The following LRRC53 variants were observed in gnomAD, a reference collection of about 807,000 sequenced individuals.
LRRC53 encodes the protein leucine rich repeat containing 53.
A neutral mutation model predicts 13.6 loss-of-function variants in LRRC53; 25 were observed. That is an observed-to-expected ratio of 1.83 (90% CI 1.34 to 2.56). The LOEUF is 2.56. Among genes scored for constraint, LRRC53 ranks in the 30% most tolerant of loss-of-function variants. The pLI is 0.00. For missense variants in LRRC53, 527 were observed against 275.8 expected (o/e 1.91, Z -6.45); for synonymous variants, 204 against 109.8 (o/e 1.86, Z -5.37).
In LRRC53 at chr1:74,470,831, G is replaced by A. The variant is rs1667890781; in HGVS notation, c.2791C>T (p.Leu931Phe). ...CTGTCAGTCTTGTGAGCATCTAAAA[G>A]TTGTGTTTGATTCCTCGGGGACAAA... ...FSLSPRNQTQ[L>F]LDAHKTDSYN... Residue 931 changes from leucine (L) to phenylalanine (F), a missense_variant, in exon 5 of 5, where the codon CTT becomes TTT. Coordinates refer to ENST00000294635, the MANE Select transcript of LRRC53 (RefSeq NM_001382280.1). The A allele has an allele frequency of 5.0e-6, 2 of 400,670 alleles. No homozygotes were observed. The highest frequency in any genetic ancestry group is 8.8e-6 in the Non-Finnish European group (2 of 226,192). 24.8% of individuals were successfully genotyped at this position (400,670 alleles called of 1,614,324 possible).
Position 74,471,220 on chromosome 1 carries a change from C to T in LRRC53, c.2402G>A (p.Arg801Gln), listed in dbSNP as rs1410517807. ...HDSKQTPYYQ[R>Q]NTKRAPLLSA... Reference sequence around the variant, plus strand: ...GAGCAGGGGGGCACGTTTAGTGTTTCGTTGATAATATGGGGTCTGCTTTGA... The same window carrying T: ...GAGCAGGGGGGCACGTTTAGTGTTTTGTTGATAATATGGGGTCTGCTTTGA... The change falls in exon 5 of 5, where the codon CGA becomes CAA. Residue 801 changes from arginine (R) to glutamine (Q), a missense_variant. Physicochemically the swap from Arg to Gln is conservative, Grantham distance 43. Transcript: ENST00000294635. 7.5e-6 allele frequency: 3 copies of T among 400,500 alleles called. No individual in the cohort carries two copies. Among genetic ancestry groups the T allele is most frequent in the African/African-American group, 2.1e-5 (1 of 48,638 alleles). 24.8% of individuals were successfully genotyped at this position (400,500 alleles called of 1,614,324 possible). A position where few individuals can be genotyped will look rare whatever the true frequency, so the allele number is the denominator to read the frequency against.
At chr1:74,475,040 C>T (rs1165986493) in intron 4 of LRRC53, among the ~76,000 whole-genome samples, 1 of 150,548 alleles carries the variant, frequency 6.6e-6, no homozygotes, top group Admixed American at 6.6e-5. Flanking sequence ...GGTGTTGGGC[C>T]TCAAAATTTA....
chr1:74,495,158 G>A (rs940716811), intron 1 of LRRC53, among the ~76,000 whole-genome samples: 3 of 152,188 alleles, frequency 2.0e-5, no homozygotes. Flanking sequence ...TGATAAGGGT[G>A]TATCTGTCTG....
intron 1 of LRRC53, chr1:74,489,053 A>T (rs1403150539): frequency 1.5e-6 from 1 of 659,902 alleles, no homozygotes; most frequent in Non-Finnish European, 2.4e-6. Flanking sequence ...ACACTTCAAT[A>T]AAAGTGTATT....
intron 2 of LRRC53, among the ~76,000 whole-genome samples, chr1:74,482,767 G>A (rs1360551644): frequency 2.6e-5 from 4 of 152,174 alleles, no homozygotes; most frequent in Admixed American, 2.0e-4. Context: ...TACAGGCAGT[G>A]TATCTTGTTA....
Position 74,490,950 on chromosome 1 carries a change from TG to T in LRRC53, c.-26-7576del, listed in dbSNP as rs542419660. On this transcript the variant is annotated intron_variant, in intron 1 of 4. Transcript: ENST00000294635. ...GGCTTAGGAGCATCATGAATGCTAG[TG>T]GATAATAAGCTCATTGGGAGTTAAA... is the stretch of plus-strand genomic sequence containing the variant. Among the ~76,000 whole-genome samples, 447 of 152,318 alleles carry T rather than the reference TG, an allele frequency of 2.9e-3. 2 individuals are homozygous for T. The highest frequency in any genetic ancestry group is 0.01 in the African/African-American group (416 of 41,584).
chr1:74,481,868 G>A (rs995238224), intron 2 of LRRC53, among the ~76,000 whole-genome samples: 7 of 152,140 alleles, frequency 4.6e-5, no homozygotes, highest in African/African-American at 7.2e-5. Context: ...AGGTCTATAG[G>A]TGATATTAGA....
intron 1 of LRRC53, among the ~76,000 whole-genome samples, chr1:74,498,645 G>A (rs1474317507): frequency 6.6e-6 from 1 of 151,702 alleles, no homozygotes; most frequent in Non-Finnish European, 1.5e-5. Context: ...AGATTTTTTT[G>A]ACTCCTACAT....
Position 74,478,660 on chromosome 1 carries a change from C to A in LRRC53, c.904+1493G>T, listed in dbSNP as rs946626680. Among the ~76,000 whole-genome samples the A allele has an allele frequency of 3.3e-5, 5 of 152,162 alleles. No homozygotes were observed. In the South Asian group the frequency reaches 1.0e-3, roughly 32 times the overall value. On this transcript the variant is annotated intron_variant, in intron 3 of 4. Coordinates refer to ENST00000294635, the MANE Select transcript of LRRC53 (RefSeq NM_001382280.1). ...GTGCTTATTAGAAAATGAAAGGTTACGAGAAGTGCTGCAGTGAGTATACCT... is the reference window on the plus strand; with the variant it reads ...GTGCTTATTAGAAAATGAAAGGTTAAGAGAAGTGCTGCAGTGAGTATACCT...
intron 1 of LRRC53, among the ~76,000 whole-genome samples, chr1:74,507,233 C>CCCA (rs397717161): frequency 7.1e-6 from 1 of 140,912 alleles, no homozygotes; most frequent in Non-Finnish European, 1.5e-5. Context: ...ACCCCCCCCC[C>CCCA]ATCTTTTTAA....
At chr1:74,517,252 T>C (rs1182204686), upstream of LRRC53, among the ~76,000 whole-genome samples, 1 of 152,146 alleles carries the variant, frequency 6.6e-6, no homozygotes, top group Non-Finnish European at 1.5e-5. Context: ...AGACAACTGG[T>C]TTATTATATT....
the LRRC53 span, among the ~76,000 whole-genome samples, chr1:74,531,955 C>T: frequency 6.6e-6 from 1 of 152,150 alleles, no homozygotes; most frequent in African/African-American, 2.4e-5. Context: ...CTAAATCATC[C>T]AGAGTACAGG....
At chr1:74,523,853 C>T in the LRRC53 span, among the ~76,000 whole-genome samples, 8 of 152,086 alleles carry the variant, frequency 5.3e-5, no homozygotes, top group Non-Finnish European at 1.2e-4. Context: ...TATACATGTG[C>T]CATGGTGGTT....
chr1:74,531,252 A>G, the LRRC53 span, among the ~76,000 whole-genome samples: 1 of 152,264 alleles, frequency 6.6e-6, no homozygotes, highest in African/African-American at 2.4e-5. Flanking sequence ...GTTTCAATTT[A>G]GGACATTGTC....
the LRRC53 span, among the ~76,000 whole-genome samples, chr1:74,533,293 C>CA: frequency 6.6e-6 from 1 of 152,022 alleles, no homozygotes; most frequent in Non-Finnish European, 1.5e-5. Context: ...TTTATGCAGC[C>CA]AAAAAACACA....
At chr1:74,525,438 T>C in the LRRC53 span, among the ~76,000 whole-genome samples, 1 of 152,170 alleles carries the variant, frequency 6.6e-6, no homozygotes, top group African/African-American at 2.4e-5. Flanking sequence ...GACTGAAAAC[T>C]AGCTCAGTCT....
chr1:74,482,215 A>G lies in LRRC53; in HGVS notation c.88+1047T>C, dbSNP rs370228602. Reference sequence around the variant, plus strand: ...AATGAGCAGGCTATTATTTCTGTCAATTACTTCTTGTCTAGGTCTAGACAG... The same window carrying G: ...AATGAGCAGGCTATTATTTCTGTCAGTTACTTCTTGTCTAGGTCTAGACAG... On this transcript the variant is annotated intron_variant, in intron 2 of 4. Transcript: ENST00000294635. Among the ~76,000 whole-genome samples, 31 of 152,250 alleles carry G rather than the reference A, an allele frequency of 2.0e-4. No homozygotes were observed. In the East Asian group the frequency reaches 4.3e-3, roughly 21 times the overall value.
At position 74,471,937 on chromosome 1, in the gene LRRC53, T is replaced by C. The variant is rs1446639739; in HGVS notation, c.1685A>G (p.Lys562Arg). The change falls in exon 5 of 5, where the codon AAA (lysine) becomes AGA (arginine). Residue 562 changes from lysine (K) to arginine (R), a missense_variant. By Grantham distance (26) the Lys-to-Arg change is conservative. Transcript: ENST00000294635. ...ATTGTTTGGCTGAAAATACCTAGGT[T>C]TGCTCTGTTTTAACAGTCCACAAGG... ...DDPCGLLKQSKPRYFQPNNSL... is the reference protein window; with the variant it reads ...DDPCGLLKQSRPRYFQPNNSL... 3.8e-6 allele frequency: 2 copies of C among 522,918 alleles called. No homozygotes were observed. Among genetic ancestry groups the C allele is most frequent in the Admixed American group, 7.2e-5 (2 of 27,740 alleles). The allele number at this position is 522,918 out of a possible 1,614,324, so 32.4% of individuals were successfully genotyped here.
intron 1 of LRRC53, among the ~76,000 whole-genome samples, chr1:74,487,098 G>A (rs1366727520): frequency 6.6e-6 from 1 of 152,220 alleles, no homozygotes; most frequent in African/African-American, 2.4e-5. Flanking sequence ...ACAGTAGCTT[G>A]AAGGAGGACG....
Sources: allele counts gnomAD v4.1 joint callset (sites outside exome capture counted in the v4.1 genomes callset), GRCh38; gene constraint gnomAD v4.1.1; transcripts MANE v1.5; gene names NCBI Gene and HGNC (gene_info 2026-07-23, HGNC 2026-07-21).